PTPRK: variants seen among roughly 807,000 people sequenced by gnomAD.
PTPRK encodes protein tyrosine phosphatase receptor type K, also known as receptor-type tyrosine-protein phosphatase kappa.
A neutral mutation model predicts 178.0 loss-of-function variants in PTPRK; 75 were observed. The observed-to-expected ratio is 0.42, with a 90% CI of 0.35 to 0.51. PTPRK has a LOEUF of 0.51. Among genes scored for constraint, PTPRK ranks in the 20% least tolerant of loss-of-function variants. PTPRK has a pLI of 0.02. For synonymous variants in PTPRK, 637 were observed against 620.6 expected (o/e 1.03, Z -0.39); for missense variants, 1,441 against 1,797.8 (o/e 0.80, Z 3.59).
At chr6:128,233,888 T>C (rs144802757) in intron 5 of PTPRK, among the ~76,000 whole-genome samples, 208 of 152,332 alleles carry the variant, frequency 1.4e-3, no homozygotes, top group Non-Finnish European at 2.4e-3. Context: ...TGAATTTCTC[T>C]GCCCAATTCA....
chr6:128,210,942 C>T (rs1808041323), intron 6 of PTPRK, among the ~76,000 whole-genome samples: 1 of 151,940 alleles, frequency 6.6e-6, no homozygotes, highest in Admixed American at 6.6e-5. Context: ...TCTATGACTC[C>T]AAATCAAGCA....
intron 1 of PTPRK, among the ~76,000 whole-genome samples, chr6:128,413,170 G>A (rs567995251): frequency 2.6e-5 from 4 of 152,230 alleles, no homozygotes; most frequent in African/African-American, 9.6e-5. Context: ...GCAGGACAAG[G>A]CAATTATATT....
chr6:128,299,510 G>T (rs908439343), intron 3 of PTPRK, among the ~76,000 whole-genome samples: 5 of 151,368 alleles, frequency 3.3e-5, no homozygotes, highest in African/African-American at 1.2e-4. Flanking sequence ...CATGGTACTG[G>T]TACCAAAACA....
intron 2 of PTPRK, among the ~76,000 whole-genome samples, chr6:128,354,231 G>GTTTTTTTTTGTTTTTTT (rs1833614057): frequency 4.1e-5 from 2 of 49,366 alleles, no homozygotes; most frequent in East Asian, 6.9e-4. Flanking sequence ...TTTTGTTTAT[G>GTTTTTTTTTGTTTTTTT]TTTTTTTTTT....
At chr6:128,258,711 G>A (rs984427717) in intron 3 of PTPRK, among the ~76,000 whole-genome samples, 1 of 152,210 alleles carries the variant, frequency 6.6e-6, no homozygotes, top group Admixed American at 6.5e-5. Flanking sequence ...ACGAACAGAA[G>A]GGTAGAGACG....
At chr6:128,147,199 A>T (rs1164032133) in intron 7 of PTPRK, among the ~76,000 whole-genome samples, 4 of 152,192 alleles carry the variant, frequency 2.6e-5, no homozygotes, top group East Asian at 1.9e-4. Flanking sequence ...ATATGAACAG[A>T]TATTGGAAAC....
At chr6:128,388,552 G>A (rs1206138389) in intron 2 of PTPRK, among the ~76,000 whole-genome samples, 1 of 152,084 alleles carries the variant, frequency 6.6e-6, no homozygotes, top group Non-Finnish European at 1.5e-5. Context: ...CAGCCCTGAA[G>A]CTTTTTGCTG....
intron 3 of PTPRK, among the ~76,000 whole-genome samples, chr6:128,265,897 C>T (rs890644482): frequency 3.9e-5 from 6 of 152,054 alleles, no homozygotes; most frequent in Admixed American, 1.3e-4. Context: ...TCAGGTCATG[C>T]GGACTCCACC....
intron 2 of PTPRK, among the ~76,000 whole-genome samples, chr6:128,348,311 GTCAAA>G (rs1289242921): frequency 2.0e-5 from 3 of 151,864 alleles, no homozygotes; most frequent in Admixed American, 1.3e-4. Context: ...AGCTATTTTA[GTCAAA>G]TCCAGATGGA....
intron 13 of PTPRK, among the ~76,000 whole-genome samples, chr6:128,011,453 G>C (rs1172365212): frequency 1.3e-5 from 2 of 150,992 alleles, no homozygotes; most frequent in East Asian, 3.9e-4. Flanking sequence ...TGCTATTATG[G>C]TATAATTTTC....
At chr6:128,198,025 C>G (rs1805221559) in intron 6 of PTPRK, among the ~76,000 whole-genome samples, 1 of 152,088 alleles carries the variant, frequency 6.6e-6, no homozygotes, top group Admixed American at 6.6e-5. Context: ...ATGATTCTAG[C>G]CTCCAGGAGT....
chr6:128,216,574 T>G (rs922377999), intron 6 of PTPRK, among the ~76,000 whole-genome samples: 1 of 150,962 alleles, frequency 6.6e-6, no homozygotes, highest in Non-Finnish European at 1.5e-5. Flanking sequence ...AAATTTTCAA[T>G]GAAATTTAAG....
At chr6:128,144,710 T>C (rs1413365654) in intron 7 of PTPRK, among the ~76,000 whole-genome samples, 1 of 152,202 alleles carries the variant, frequency 6.6e-6, no homozygotes, top group Admixed American at 6.6e-5. Flanking sequence ...ACAAGGACTT[T>C]GTTTACTACT....
intron 3 of PTPRK, among the ~76,000 whole-genome samples, chr6:128,265,855 T>C (rs189040500): frequency 1.4e-4 from 22 of 152,176 alleles, no homozygotes; most frequent in African/African-American, 5.3e-4. Flanking sequence ...CCCAAAGCGA[T>C]GGTATTAGGA....
At chr6:128,029,687 AATC>A (rs1562463069) in intron 13 of PTPRK, among the ~76,000 whole-genome samples, 1 of 140,142 alleles carries the variant, frequency 7.1e-6, no homozygotes, top group Non-Finnish European at 1.5e-5. Flanking sequence ...TAATAATAAT[AATC>A]CAGCCTCACA....
At chr6:128,296,125 CCTT>C (rs1238372417) in intron 3 of PTPRK, among the ~76,000 whole-genome samples, 1 of 152,044 alleles carries the variant, frequency 6.6e-6, no homozygotes, top group Non-Finnish European at 1.5e-5. Context: ...GTCTTAACCT[CCTT>C]CTCCTCTTTC....
chr6:128,490,822 T>C (rs1007989821), intron 1 of PTPRK, among the ~76,000 whole-genome samples: 2 of 152,234 alleles, frequency 1.3e-5, no homozygotes, highest in Non-Finnish European at 1.5e-5. Flanking sequence ...TGGTTTCTCC[T>C]GAGGACTCTC....
intron 7 of PTPRK, among the ~76,000 whole-genome samples, chr6:128,120,094 A>T (rs1792205759): frequency 6.6e-6 from 1 of 151,970 alleles, no homozygotes; most frequent in Non-Finnish European, 1.5e-5. Context: ...TTTCCCTGTA[A>T]CTTTTCAATT....
In PTPRK at chr6:128,332,546, G is replaced by A. The variant is rs556770704; in HGVS notation, c.224-10236C>T. 1.9e-4 allele frequency among the ~76,000 whole-genome samples: 29 copies of A among 152,332 alleles called. No individual in the cohort carries two copies. The East Asian group carries it at 4.2e-3, about 22-fold the overall frequency. ...GTCTTCAATACTTGTTCCTTTAGAC[G>A]TACTCATTCCTTCTTCCACCAAACA... On this transcript the variant is annotated intron_variant, in intron 2 of 29. Transcript: ENST00000368226.
Sources: gnomAD v4.1 joint callset for allele counts (sites outside exome capture counted in the v4.1 genomes callset) on GRCh38, gnomAD v4.1.1 for gene constraint, MANE v1.5 for transcripts, NCBI Gene and HGNC (gene_info 2026-07-23, HGNC 2026-07-21) for gene names.